The following SLC38A9 variants were observed in gnomAD, a reference collection of about 807,000 sequenced individuals.
SLC38A9 encodes the protein solute carrier family 38 member 9.
A neutral mutation model predicts 62.3 loss-of-function variants in SLC38A9; 48 were observed. The observed-to-expected ratio is 0.77, with a 90% CI of 0.61 to 0.98. The LOEUF is 0.98. Ranked by LOEUF, SLC38A9 falls within the 50% of genes least tolerant of loss-of-function variation. SLC38A9 has a pLI of 0.00. For missense variants in SLC38A9, 541 were observed against 679.8 expected, an observed-to-expected ratio of 0.80 and a Z score of 2.27; for synonymous variants, 204 against 227.7, an observed-to-expected ratio of 0.90 and a Z score of 0.94.
intron 2 of SLC38A9, among the ~76,000 whole-genome samples, chr5:55,700,943 T>C (rs1190809353): frequency 6.6e-6 from 1 of 152,206 alleles, no homozygotes; most frequent in Non-Finnish European, 1.5e-5. Context: ...AGGTTCAGTC[T>C]TGACCTACCC....
At chr5:55,695,119 T>C (rs1274074516) in intron 3 of SLC38A9, among the ~76,000 whole-genome samples, 2 of 145,558 alleles carry the variant, frequency 1.4e-5, no homozygotes, top group Non-Finnish European at 3.0e-5. Context: ...ATCAGAGTTA[T>C]GGGCAGCAGT....
intron 14 of SLC38A9, among the ~76,000 whole-genome samples, chr5:55,628,193 A>G (rs1055749535): frequency 4.6e-5 from 7 of 152,110 alleles, no homozygotes; most frequent in African/African-American, 1.7e-4. Flanking sequence ...ATACTGGTTA[A>G]ATTTTGTAGA....
At position 55,695,350 on chromosome 5, in the gene SLC38A9, G is replaced by A. The variant is rs574706657; in HGVS notation, c.113+2496C>T. Among the ~76,000 whole-genome samples the A allele has an allele frequency of 2.9e-5, 3 of 103,384 alleles. No homozygotes were observed. The East Asian group carries it at 7.4e-4, about 26-fold the overall frequency. 67.8% of individuals were successfully genotyped at this position (103,384 alleles called of 152,430 possible). On this transcript the variant is annotated intron_variant, in intron 3 of 15. Coordinates refer to ENST00000396865, the MANE Select transcript of SLC38A9 (RefSeq NM_173514.4). ...GGCAGGGTCATAGGACAATAGTGGA[G>A]GGAAGGTCAGCAGATAAACAAGTGA... is the stretch of plus-strand genomic sequence containing the variant.
intron 7 of SLC38A9, 32 bp downstream of exon 7, chr5:55,669,196 C>T (rs199850674): frequency 2.0e-6 from 3 of 1,503,182 alleles, no homozygotes; most frequent in East Asian, 2.3e-5. Context: ...TATTAATACC[C>T]ATAATCTATT....
intron 7 of SLC38A9, 46 bp from the exon 8 acceptor site, chr5:55,664,909 T>G: frequency 7.7e-7 from 1 of 1,303,248 alleles, no homozygotes; most frequent in Non-Finnish European, 1.0e-6. Context: ...TGAACATATA[T>G]TCCATATTCA....
intron 15 of SLC38A9, among the ~76,000 whole-genome samples, 178 bp downstream of exon 15, chr5:55,627,713 A>G (rs968317536): frequency 6.6e-6 from 1 of 152,114 alleles, no homozygotes; most frequent in Non-Finnish European, 1.5e-5. Context: ...ACCAGAACAA[A>G]CAGAAAGGGA....
chr5:55,701,033 G>C (rs1460523912), intron 2 of SLC38A9, among the ~76,000 whole-genome samples: 1 of 152,080 alleles, frequency 6.6e-6, no homozygotes, highest in Non-Finnish European at 1.5e-5. Flanking sequence ...CCACTAGTTA[G>C]GTGTGGCTAC....
chr5:55,689,629 C>T (rs1262769822), intron 3 of SLC38A9, among the ~76,000 whole-genome samples: 2 of 152,174 alleles, frequency 1.3e-5, no homozygotes, highest in Non-Finnish European at 2.9e-5. Flanking sequence ...CCCAACCCTT[C>T]ATATTATTTC....
At chr5:55,691,249 T>G (rs533867090) in intron 3 of SLC38A9, 1 of 1,190,770 alleles carries the variant, frequency 8.4e-7, no homozygotes, top group South Asian at 1.3e-5. Context: ...GTCTCTGACA[T>G]ATCCAATTGT....
At chr5:55,705,787 A>G (rs902859389) in intron 2 of SLC38A9, among the ~76,000 whole-genome samples, 5 of 151,570 alleles carry the variant, frequency 3.3e-5, no homozygotes, top group Admixed American at 3.3e-4. Context: ...GGCTCACTGC[A>G]ACCTCCGCCT....
chr5:55,662,634 C>CA (rs1462161247), intron 8 of SLC38A9, among the ~76,000 whole-genome samples: 1 of 149,676 alleles, frequency 6.7e-6, no homozygotes, highest in African/African-American at 2.5e-5. Flanking sequence ...CTCACCACTG[C>CA]ACTCCAGCCT....
intron 3 of SLC38A9, among the ~76,000 whole-genome samples, chr5:55,674,261 T>A (rs191292669): frequency 1.3e-5 from 2 of 152,176 alleles, no homozygotes; most frequent in Non-Finnish European, 2.9e-5. Flanking sequence ...ATAGAGCAAA[T>A]ATGTGGATAT....
intron 2 of SLC38A9, among the ~76,000 whole-genome samples, chr5:55,701,191 T>C (rs909036713): frequency 6.6e-6 from 1 of 152,222 alleles, no homozygotes; most frequent in Admixed American, 6.5e-5. Flanking sequence ...GTTCTATTAA[T>C]TTAGGCAATG....
At chr5:55,662,226 A>G (rs1200275485) in intron 8 of SLC38A9, among the ~76,000 whole-genome samples, 2 of 152,256 alleles carry the variant, frequency 1.3e-5, no homozygotes, top group African/African-American at 2.4e-5. Flanking sequence ...TAATAGCACA[A>G]TAAGTGAAAA....
At chr5:55,687,244 G>A (rs1754017223) in intron 3 of SLC38A9, among the ~76,000 whole-genome samples, 1 of 150,070 alleles carries the variant, frequency 6.7e-6, no homozygotes, top group African/African-American at 2.4e-5. Flanking sequence ...TCGAGACCAC[G>A]GTGAAACCCC....
intron 7 of SLC38A9, among the ~76,000 whole-genome samples, chr5:55,666,370 C>T (rs1386081524): frequency 6.6e-6 from 1 of 152,134 alleles, no homozygotes; most frequent in African/African-American, 2.4e-5. Context: ...TTTTAATTGT[C>T]ATCAAAGGAT....
intron 3 of SLC38A9, among the ~76,000 whole-genome samples, chr5:55,687,430 A>T: frequency 7.6e-6 from 1 of 131,302 alleles, no homozygotes; most frequent in Non-Finnish European, 1.6e-5. Context: ...CCGTCTCAAA[A>T]AAAAAAAAAA....
chr5:55,645,450 C>T lies in SLC38A9; in HGVS notation c.1167+339G>A, dbSNP rs373466696. Among the ~76,000 whole-genome samples, 12 of 152,314 alleles carry T rather than the reference C, an allele frequency of 7.9e-5. No individual in the cohort carries two copies. The East Asian group carries it at 2.1e-3, about 27-fold the overall frequency. ...TGGCAGGCACTGGCAAACTATGACT[C>T]ATGGGCCAAATCTTGTCTGATGTCT... is the stretch of plus-strand genomic sequence containing the variant. On this transcript the variant is annotated intron_variant, in intron 12 of 15. Coordinates refer to ENST00000396865, the MANE Select transcript of SLC38A9 (RefSeq NM_173514.4).
At chr5:55,667,225 A>AG (rs1005247003) in intron 7 of SLC38A9, among the ~76,000 whole-genome samples, 15 of 94,590 alleles carry the variant, frequency 1.6e-4, no homozygotes, top group South Asian at 4.2e-4. Flanking sequence ...TATATTATTT[A>AG]GGGTTTTTTT....
Sources: allele counts gnomAD v4.1 joint callset (sites outside exome capture counted in the v4.1 genomes callset), GRCh38; gene constraint gnomAD v4.1.1; transcripts MANE v1.5; gene names NCBI Gene and HGNC (gene_info 2026-07-23, HGNC 2026-07-21).